The following MYOF variants were observed in gnomAD, a reference collection of about 807,000 sequenced individuals.
MYOF encodes the protein fer-1-like 3, myoferlin.
Under a neutral mutation model 284.2 loss-of-function variants are expected in MYOF, and 244 were observed. That is an observed-to-expected ratio of 0.86 (90% CI 0.77 to 0.95). MYOF has a LOEUF of 0.95. MYOF is among the 40% of genes least tolerant of loss of function. MYOF has a pLI of 0.00. For missense variants in MYOF, 2,496 were observed against 2,560.6 expected (o/e 0.97, Z 0.54); for synonymous variants, 904 against 919.7 (o/e 0.98, Z 0.31).
At chr10:93,349,131 T>C (rs1844382382) in intron 36 of MYOF, among the ~76,000 whole-genome samples, 1 of 152,042 alleles carries the variant, frequency 6.6e-6, no homozygotes, top group South Asian at 2.1e-4. Context: ...CACCTATTTA[T>C]ATAATAGAGT....
intron 39 of MYOF, among the ~76,000 whole-genome samples, chr10:93,339,367 T>TTGTGTGTG (rs35070199): frequency 0.057 from 8,534 of 150,282 alleles, 285 homozygotes; most frequent in Middle Eastern, 0.072. Flanking sequence ...TGCTTCTTAT[T>TTGTGTGTG]TGTGTGTGTG....
intron 32 of MYOF, 127 bp downstream of exon 32, chr10:93,353,684 G>A (rs1461206419): frequency 7.1e-6 from 5 of 703,782 alleles, no homozygotes; most frequent in Non-Finnish European, 1.2e-5. Context: ...CTTCAAGCAT[G>A]CAAAAATAAC....
intron 2 of MYOF, among the ~76,000 whole-genome samples, chr10:93,456,656 G>C (rs1318060105): frequency 6.6e-6 from 1 of 152,188 alleles, no homozygotes; most frequent in African/African-American, 2.4e-5. Flanking sequence ...TCTCCTGCCA[G>C]TCCAGGCTTC....
rs1422492425 is a variant in MYOF at position 93,343,894 on chromosome 10, T to A, written c.4288A>T (p.Ile1430Phe). The change falls in exon 38 of 54, where the codon ATC (isoleucine) becomes TTC (phenylalanine). Residue 1430 changes from isoleucine to phenylalanine, a missense_variant. Physicochemically the swap from Ile to Phe is conservative, Grantham distance 21. This residue lies in a region of MYOF where 2,436 missense variants were observed against 2,480.7 expected (regional missense o/e 0.98). Transcript: ENST00000359263. The stretch of plus-strand genomic sequence containing the variant: ...AATGGTTTGGTGTCTTCCATTTCGA[T>A]AACGATGTCCCGGCATGGTGGGGCA... ...LSAPPCRDIV[I>F]EMEDTKPLLA... 1.2e-6 allele frequency: 2 copies of A among 1,614,080 alleles called. No homozygotes were observed. The highest frequency in any genetic ancestry group is 2.7e-5 in the African/African-American group (2 of 74,942).
intron 39 of MYOF, among the ~76,000 whole-genome samples, chr10:93,338,834 T>C (rs1331778041): frequency 6.6e-6 from 1 of 151,784 alleles, no homozygotes; most frequent in Non-Finnish European, 1.5e-5. Context: ...TGTCAAACTA[T>C]AGAAGGCCTC....
At chr10:93,316,342 G>T (rs1842610404) in intron 50 of MYOF, among the ~76,000 whole-genome samples, 1 of 151,874 alleles carries the variant, frequency 6.6e-6, no homozygotes, top group Admixed American at 6.6e-5. Context: ...TGGCGGGGGG[G>T]TTGGGGACCT....
rs755548436 is a variant in MYOF, at chr10:93,401,557, C to A, written c.991-13G>T. The A allele has an allele frequency of 6.2e-7, 1 of 1,613,086 alleles. No homozygotes were observed. The highest frequency in any genetic ancestry group is 1.1e-5 in the South Asian group (1 of 90,892). The stretch of plus-strand genomic sequence containing the variant: ...CTCGTCTCTCAGGCTATTAGGGGCA[C>A]ATGATTTAAATTATACATACAGAAA... On this transcript the variant is annotated splice_polypyrimidine_tract_variant and intron_variant, in intron 11 of 53. Coordinates refer to ENST00000359263, the MANE Select transcript of MYOF (RefSeq NM_013451.4).
intron 3 of MYOF, among the ~76,000 whole-genome samples, chr10:93,437,092 G>T (rs1000480776): frequency 6.6e-6 from 1 of 152,126 alleles, no homozygotes; most frequent in East Asian, 1.9e-4. Flanking sequence ...TTGTCTTTCA[G>T]CCCACGAATG....
chr10:93,332,812 A>T (rs1843389563), intron 43 of MYOF, among the ~76,000 whole-genome samples: 1 of 152,152 alleles, frequency 6.6e-6, no homozygotes, highest in Non-Finnish European at 1.5e-5. Context: ...ACGCCACTGC[A>T]CTCCAGCATG....
At chr10:93,421,216 CAAAA>C (rs891282155) in intron 5 of MYOF, among the ~76,000 whole-genome samples, 1 of 150,536 alleles carries the variant, frequency 6.6e-6, no homozygotes, top group African/African-American at 2.4e-5. Context: ...GATTCCACTT[CAAAA>C]AAAAGAAAGA....
intron 7 of MYOF, among the ~76,000 whole-genome samples, chr10:93,407,920 C>T (rs1847690709): frequency 6.6e-6 from 1 of 151,354 alleles, no homozygotes; most frequent in Admixed American, 6.6e-5. Context: ...TTAGAATAAG[C>T]AAAGGTAGAT....
intron 42 of MYOF, 129 bp downstream of exon 42, chr10:93,333,629 A>G: frequency 7.9e-7 from 1 of 1,267,526 alleles, no homozygotes; most frequent in Non-Finnish European, 1.1e-6. Context: ...TCCTGAATAC[A>G]TTGTTTTGAT....
At chr10:93,374,379 A>C (rs770259695) in intron 23 of MYOF, among the ~76,000 whole-genome samples, 20 of 152,304 alleles carry the variant, frequency 1.3e-4, no homozygotes, top group Middle Eastern at 3.4e-3. Flanking sequence ...GAGAGGTTGA[A>C]TAACTTGCCC....
In MYOF at chr10:93,333,890, C is replaced by T; in HGVS notation, c.4587G>A (p.Leu1529=). 1.2e-6 allele frequency: 2 copies of T among 1,614,016 alleles called. No individual in the cohort carries two copies. Among genetic ancestry groups the T allele is most frequent in the Non-Finnish European group, 1.7e-6 (2 of 1,179,980 alleles). ...GGGCTGGCACGCTGGGGTCATCCGG[C>T]AGAGGGTAGATCCGAAAGGAGCCCT... ...EFKGSFRIYP[L]PDDPSVPAPP... is the part of the protein sequence containing the mutation. The change falls in exon 42 of 54, where the codon CTG becomes CTA. Residue 1529 remains leucine (L), a synonymous_variant. Coordinates refer to ENST00000359263, the MANE Select transcript of MYOF (RefSeq NM_013451.4).
chr10:93,399,500 A>C lies in MYOF; in HGVS notation c.1118-5T>G, dbSNP rs1300703441. The C allele has an allele frequency of 6.3e-7, 1 of 1,598,142 alleles. No individual in the cohort carries two copies. Among genetic ancestry groups the C allele is most frequent in the South Asian group, 1.1e-5 (1 of 89,780 alleles). ...TCTGTGAGAAGGCATCATCCACTGG[A>C]AGGTAATAGTTATACAGCAGAAATT... On this transcript the variant is annotated splice_region_variant and splice_polypyrimidine_tract_variant and intron_variant, in intron 12 of 53. Coordinates refer to ENST00000359263, the MANE Select transcript of MYOF (RefSeq NM_013451.4).
At position 93,374,898 on chromosome 10, in the gene MYOF, G is replaced by A. The variant is rs1193264854; in HGVS notation, c.2166C>T (p.Ile722=). Residue 722 remains isoleucine, a synonymous_variant, in exon 23 of 54, where the codon ATC becomes ATT. Coordinates refer to ENST00000359263, the MANE Select transcript of MYOF (RefSeq NM_013451.4). ...KANVTVLDTQ[I]RKLRSRSLSQ... ...AGAGAGACCTGGACCGCAGCTTTCG[G>A]ATCTGAGTATCGAGAACTGTGACGT... 1 of 1,614,164 alleles carries A rather than the reference G, an allele frequency of 6.2e-7. No individual in the cohort carries two copies. Among genetic ancestry groups the A allele is most frequent in the Non-Finnish European group, 8.5e-7 (1 of 1,180,020 alleles).
At chr10:93,310,806 T>C (rs1395297184) in intron 51 of MYOF, among the ~76,000 whole-genome samples, 163 bp from the exon 52 acceptor site, 5 of 152,224 alleles carry the variant, frequency 3.3e-5, no homozygotes, top group African/African-American at 9.6e-5. Flanking sequence ...TCCTCTTCCA[T>C]GTGTTTCTGA....
intron 3 of MYOF, among the ~76,000 whole-genome samples, chr10:93,436,220 C>G (rs1239790782): frequency 6.6e-6 from 1 of 152,064 alleles, no homozygotes; most frequent in Non-Finnish European, 1.5e-5. Flanking sequence ...TCCTGCTGAC[C>G]TTTTATGGCC....
intron 36 of MYOF, among the ~76,000 whole-genome samples, chr10:93,348,660 G>A (rs561912797): frequency 8.0e-5 from 12 of 149,132 alleles, no homozygotes; most frequent in South Asian, 4.4e-4. Flanking sequence ...GTGGCTCGCC[G>A]TCTGTCGCAT....
Sources: allele counts gnomAD v4.1 joint callset (sites outside exome capture counted in the v4.1 genomes callset), GRCh38; gene constraint gnomAD v4.1.1; regional missense constraint gnomAD v4.1.1; transcripts MANE v1.5; gene names NCBI Gene and HGNC (gene_info 2026-07-23, HGNC 2026-07-21).